Variants in MAML3 observed in about 807,000 individuals in gnomAD.
MAML3 encodes the protein mastermind-like protein 3.
MAML3 carries 27 observed loss-of-function variants against 101.9 expected under a neutral mutation model. The ratio of observed to expected loss-of-function variants is 0.27; its 90% CI spans 0.20 to 0.37. MAML3 has a LOEUF of 0.37. MAML3 is among the 10% of genes least tolerant of loss of function. The pLI, the probability that MAML3 is intolerant of heterozygous loss-of-function variation, is 1.00. For synonymous variants in MAML3, 501 were observed against 555.9 expected (o/e 0.90, Z 1.39); for missense variants, 1,316 against 1,444.9 (o/e 0.91, Z 1.45).
intron 1 of MAML3, among the ~76,000 whole-genome samples, chr4:139,938,390 A>C (rs971914309): frequency 2.0e-5 from 3 of 152,230 alleles, no homozygotes; most frequent in Admixed American, 2.0e-4. Flanking sequence ...CAAGGTCACA[A>C]AGCCAGTATG....
intron 2 of MAML3, among the ~76,000 whole-genome samples, chr4:139,763,938 A>G (rs1316356649): frequency 1.3e-5 from 2 of 152,216 alleles, no homozygotes; most frequent in Non-Finnish European, 2.9e-5. Flanking sequence ...TGTTGCTAAA[A>G]TAATACTGAA....
chr4:139,916,617 G>A (rs1733033657), intron 1 of MAML3, among the ~76,000 whole-genome samples: 1 of 152,236 alleles, frequency 6.6e-6, no homozygotes, highest in African/African-American at 2.4e-5. Context: ...TAAAAGTCGA[G>A]AGGGCCACCA....
intron 1 of MAML3, among the ~76,000 whole-genome samples, chr4:139,936,087 GA>G (rs1205340934): frequency 6.6e-6 from 1 of 152,134 alleles, no homozygotes; most frequent in Non-Finnish European, 1.5e-5. Context: ...ATCGGAGTTA[GA>G]TTCCACATAT....
intron 1 of MAML3, among the ~76,000 whole-genome samples, chr4:140,092,665 C>G (rs1338526069): frequency 6.6e-6 from 1 of 152,212 alleles, no homozygotes; most frequent in Non-Finnish European, 1.5e-5. Flanking sequence ...GCCCAGTCGA[C>G]AGCAGAACAG....
At chr4:139,983,645 C>T (rs1260787958) in intron 1 of MAML3, among the ~76,000 whole-genome samples, 2 of 152,178 alleles carry the variant, frequency 1.3e-5, no homozygotes, top group African/African-American at 2.4e-5. Flanking sequence ...CAAAAAGTTT[C>T]AGATAGTGGA....
chr4:140,130,225 T>C (rs1578700424), intron 1 of MAML3, among the ~76,000 whole-genome samples: 1 of 152,222 alleles, frequency 6.6e-6, no homozygotes, highest in African/African-American at 2.4e-5. Context: ...GCAGAATCAC[T>C]ATGTAAACCC....
chr4:139,741,925 C>T (rs1005389467), intron 2 of MAML3, among the ~76,000 whole-genome samples: 3 of 152,146 alleles, frequency 2.0e-5, no homozygotes, highest in Non-Finnish European at 2.9e-5. Flanking sequence ...TGTAAATATA[C>T]CTGGGCACTC....
chr4:139,777,467 C>A (rs916254589), intron 2 of MAML3, among the ~76,000 whole-genome samples: 1 of 152,166 alleles, frequency 6.6e-6, no homozygotes, highest in African/African-American at 2.4e-5. Context: ...TTGCTTGGAC[C>A]CAGCCAGGAG....
chr4:140,145,815 G>A (rs1301247279), intron 1 of MAML3, among the ~76,000 whole-genome samples: 2 of 150,490 alleles, frequency 1.3e-5, no homozygotes, highest in South Asian at 2.1e-4. Flanking sequence ...CTGCCCGCTC[G>A]GCCTCCCAAA....
chr4:139,879,196 C>T (rs904933857), intron 2 of MAML3, among the ~76,000 whole-genome samples: 4 of 152,090 alleles, frequency 2.6e-5, no homozygotes, highest in Admixed American at 6.5e-5. Flanking sequence ...GCGCCCAGCC[C>T]GCAGTGTTAT....
chr4:139,890,858 C>A lies in MAML3; in HGVS notation c.578G>T (p.Arg193Leu). Reference protein sequence around the residue: ...GNFSPTSKRIRKDISAGMEAI... With the variant: ...GNFSPTSKRILKDISAGMEAI... ...TTCCATCCCCGCAGAAATGTCCTTTCGAATTCGTTTGCTAGTCGGAGAAAA... is the reference window on the plus strand; with the variant it reads ...TTCCATCCCCGCAGAAATGTCCTTTAGAATTCGTTTGCTAGTCGGAGAAAA... Residue 193 changes from arginine to leucine, a missense_variant, in exon 2 of 5, where the codon CGA becomes CTA. Transcript: ENST00000509479. This position sits in a 1 kb window ranked among gnomAD's most constrained non-coding sequence, Gnocchi z 4.1. 1 of 1,613,896 alleles carries A rather than the reference C, an allele frequency of 6.2e-7. No homozygotes were observed. The highest frequency in any genetic ancestry group is 8.5e-7 in the Non-Finnish European group (1 of 1,179,844).
intron 1 of MAML3, among the ~76,000 whole-genome samples, chr4:139,894,740 G>A (rs1208752735): frequency 6.6e-6 from 1 of 151,694 alleles, no homozygotes; most frequent in Non-Finnish European, 1.5e-5. Flanking sequence ...AAAAAATACT[G>A]GCTCAACTCA....
chr4:139,974,615 G>A (rs1481400313), intron 1 of MAML3, among the ~76,000 whole-genome samples: 2 of 152,094 alleles, frequency 1.3e-5, no homozygotes, highest in East Asian at 1.9e-4. Flanking sequence ...GTAAAATGAA[G>A]GAGTCAGAAG....
intron 2 of MAML3, among the ~76,000 whole-genome samples, chr4:139,818,462 T>A (rs1291468236): frequency 6.6e-6 from 1 of 152,220 alleles, no homozygotes; most frequent in Non-Finnish European, 1.5e-5. Flanking sequence ...AGGACTAATC[T>A]CTTCCATGAG....
chr4:139,793,673 A>C (rs1730461093), intron 2 of MAML3, among the ~76,000 whole-genome samples: 1 of 152,232 alleles, frequency 6.6e-6, no homozygotes, highest in Non-Finnish European at 1.5e-5. Context: ...GCCTAGGTTC[A>C]CCTGAGTTGA....
intron 1 of MAML3, among the ~76,000 whole-genome samples, chr4:140,018,179 C>T (rs181032539): frequency 1.8e-3 from 272 of 152,198 alleles, no homozygotes; most frequent in African/African-American, 6.3e-3. Flanking sequence ...TAATTTAAAC[C>T]TCTGGGTGCT....
At chr4:139,872,973 C>T (rs1349820959) in intron 2 of MAML3, among the ~76,000 whole-genome samples, 1 of 152,012 alleles carries the variant, frequency 6.6e-6, no homozygotes, top group Non-Finnish European at 1.5e-5. Flanking sequence ...CCCAGCTACT[C>T]AGGAGACTGA....
intron 1 of MAML3, among the ~76,000 whole-genome samples, chr4:140,151,618 C>T (rs1454489100): frequency 6.6e-6 from 1 of 151,132 alleles, no homozygotes; most frequent in Non-Finnish European, 1.5e-5. Flanking sequence ...GGGAAACAGG[C>T]GAAGGCGCGC....
chr4:140,153,771 G>C lies in MAML3; in HGVS notation c.-444C>G. On this transcript the variant is annotated 5_prime_UTR_variant, in exon 1 of 5. Transcript: ENST00000509479. ...AAACACACCCCATGTACACACACAA[G>C]CATATGCCTCCAGTGCGGACACGCG... The C allele has an allele frequency of 6.1e-6, 1 of 164,698 alleles. No homozygotes were observed. Among genetic ancestry groups the C allele is most frequent in the Non-Finnish European group, 1.3e-5 (1 of 76,458 alleles). The allele number at this position is 164,698 out of a possible 1,614,324, so 10.2% of individuals were successfully genotyped here. A position where few individuals can be genotyped will look rare whatever the true frequency, so the allele number is the denominator to read the frequency against.
Sources: gnomAD v4.1 joint callset for allele counts (sites outside exome capture counted in the v4.1 genomes callset) on GRCh38, gnomAD v4.1.1 for gene constraint, Gnocchi (gnomAD v3.1) non-coding constraint, MANE v1.5 for transcripts, NCBI Gene and HGNC (gene_info 2026-07-23, HGNC 2026-07-21) for gene names.